Variants in CNTN3 observed in about 807,000 individuals in gnomAD.
The protein encoded by CNTN3 is contactin 3.
In CNTN3, 60 loss-of-function variants were observed where a neutral mutation model predicts 119.1. The observed-to-expected ratio is 0.50, with a 90% CI of 0.41 to 0.62. CNTN3 has a LOEUF of 0.62. Ranked by LOEUF, CNTN3 falls within the 20% of genes least tolerant of loss-of-function variation. The pLI is 0.00. For missense variants in CNTN3, 1,101 were observed against 1,242.4 expected, an observed-to-expected ratio of 0.89 and a Z score of 1.71; for synonymous variants, 450 against 438.7, an observed-to-expected ratio of 1.03 and a Z score of -0.32.
chr3:74,421,353 A>G (rs1354646517), intron 5 of CNTN3, among the ~76,000 whole-genome samples: 2 of 151,778 alleles, frequency 1.3e-5, no homozygotes, highest in Non-Finnish European at 2.9e-5. Flanking sequence ...TATTTTGGGT[A>G]GAGGTGGGGT....
At chr3:74,573,332 G>A (rs1445248540) in intron 1 of CNTN3, among the ~76,000 whole-genome samples, 1 of 151,504 alleles carries the variant, frequency 6.6e-6, no homozygotes, top group Non-Finnish European at 1.5e-5. Flanking sequence ...CCCATCCCAT[G>A]CCAATCTCAA....
intron 4 of CNTN3, among the ~76,000 whole-genome samples, chr3:74,457,447 C>T (rs1208337330): frequency 3.9e-5 from 6 of 151,936 alleles, no homozygotes; most frequent in East Asian, 3.9e-4. Context: ...TTAATAATCT[C>T]ATCTGTAGAA....
intron 1 of CNTN3, among the ~76,000 whole-genome samples, chr3:74,551,521 C>T (rs1033641894): frequency 6.6e-6 from 1 of 151,998 alleles, no homozygotes; most frequent in Admixed American, 6.6e-5. Context: ...GGTTCACTCT[C>T]GGTGTCCTAC....
chr3:74,485,320 GTTAAC>G (rs1702832454), intron 4 of CNTN3, among the ~76,000 whole-genome samples: 1 of 151,992 alleles, frequency 6.6e-6, no homozygotes. Flanking sequence ...AAGTACTTTA[GTTAAC>G]TTAAGGGTAA....
At chr3:74,384,309 T>A (rs1704694134) in intron 5 of CNTN3, among the ~76,000 whole-genome samples, 1 of 152,226 alleles carries the variant, frequency 6.6e-6, no homozygotes, top group Non-Finnish European at 1.5e-5. Context: ...AAAGCAATTC[T>A]AATAAAGGAA....
At chr3:74,481,302 A>AT (rs11330434) in intron 4 of CNTN3, among the ~76,000 whole-genome samples, 20 of 151,686 alleles carry the variant, frequency 1.3e-4, no homozygotes, top group African/African-American at 4.6e-4. Flanking sequence ...GAGAATATCC[A>AT]TTTTTTTAAG....
chr3:74,486,455 C>T lies in CNTN3; in HGVS notation c.358+1G>A. The T allele has an allele frequency of 4.4e-6, 7 of 1,596,246 alleles. No homozygotes were observed. The highest frequency in any genetic ancestry group is 6.0e-6 in the Non-Finnish European group (7 of 1,175,692). On this transcript the variant is annotated splice_donor_variant, in intron 4 of 22. Transcript: ENST00000263665. LOFTEE classifies it high-confidence loss of function. ...TGCTAGACATGTGAACATAAACTTA[C>T]AGGCAAACTGAAGTTTGGCTTCTCT...
intron 5 of CNTN3, among the ~76,000 whole-genome samples, chr3:74,400,479 G>C (rs1268701218): frequency 2.6e-5 from 4 of 152,030 alleles, no homozygotes; most frequent in Admixed American, 2.0e-4. Flanking sequence ...TCCTTTGTAG[G>C]GCTCCAGTGT....
intron 1 of CNTN3, among the ~76,000 whole-genome samples, chr3:74,544,253 A>G (rs916982407): frequency 1.3e-5 from 2 of 152,210 alleles, no homozygotes; most frequent in Non-Finnish European, 2.9e-5. Context: ...CTTATGATAT[A>G]ACAATGTAAC....
At chr3:74,598,214 C>T (rs1057329568) in intron 1 of CNTN3, among the ~76,000 whole-genome samples, 16 of 152,112 alleles carry the variant, frequency 1.1e-4, no homozygotes, top group East Asian at 2.0e-4. Context: ...TTCCACCTTC[C>T]CTCTCTTGGA....
At chr3:74,266,731 C>CT in intron 21 of CNTN3, 82 bp from the exon 22 acceptor site, 1 of 1,273,312 alleles carries the variant, frequency 7.9e-7, no homozygotes, top group Non-Finnish European at 1.1e-6. Context: ...CTGAAATTAA[C>CT]TAATTTTGTC....
At chr3:74,516,387 G>A (rs1308544839) in intron 2 of CNTN3, among the ~76,000 whole-genome samples, 6 of 150,232 alleles carry the variant, frequency 4.0e-5, no homozygotes, top group African/African-American at 1.5e-4. Context: ...CAATGAGGAT[G>A]AAGACCTTTA....
At chr3:74,471,379 C>T (rs1195465523) in intron 4 of CNTN3, among the ~76,000 whole-genome samples, 1 of 152,112 alleles carries the variant, frequency 6.6e-6, no homozygotes, top group Non-Finnish European at 1.5e-5. Flanking sequence ...TCCCCACATG[C>T]CATCCATTAC....
intron 5 of CNTN3, among the ~76,000 whole-genome samples, chr3:74,420,632 AT>A (rs1412826483): frequency 1.3e-5 from 2 of 152,188 alleles, no homozygotes; most frequent in Non-Finnish European, 2.9e-5. Flanking sequence ...GCTGTCTCCA[AT>A]TTTGAAATGT....
chr3:74,454,745 G>A (rs906083530), intron 4 of CNTN3, among the ~76,000 whole-genome samples: 1 of 151,886 alleles, frequency 6.6e-6, no homozygotes, highest in Non-Finnish European at 1.5e-5. Flanking sequence ...TGTCTGTAAA[G>A]GATTTTATTT....
chr3:74,549,183 C>T (rs1575822354), intron 1 of CNTN3, among the ~76,000 whole-genome samples: 1 of 151,988 alleles, frequency 6.6e-6, no homozygotes, highest in Non-Finnish European at 1.5e-5. Flanking sequence ...AGTGTTGTCT[C>T]GTAATAGAGT....
chr3:74,281,778 GA>G (rs1702017064), intron 20 of CNTN3, among the ~76,000 whole-genome samples: 1 of 152,154 alleles, frequency 6.6e-6, no homozygotes, highest in Non-Finnish European at 1.5e-5. Context: ...GGAATTTATG[GA>G]AATGGGGACT....
chr3:74,561,010 A>C (rs1353172148), intron 1 of CNTN3, among the ~76,000 whole-genome samples: 8 of 115,048 alleles, frequency 7.0e-5, no homozygotes, highest in Non-Finnish European at 1.3e-4. Context: ...GGAACATCAT[A>C]CACCGGGACC....
intron 2 of CNTN3, among the ~76,000 whole-genome samples, chr3:74,516,783 G>T (rs1703457665): frequency 6.9e-6 from 1 of 144,008 alleles, no homozygotes; most frequent in Non-Finnish European, 1.5e-5. Context: ...AAGTAAATGA[G>T]CAACTTGGTA....
Sources: gnomAD v4.1 joint callset for allele counts (sites outside exome capture counted in the v4.1 genomes callset) on GRCh38, gnomAD v4.1.1 for gene constraint, MANE v1.5 for transcripts, NCBI Gene and HGNC (gene_info 2026-07-23, HGNC 2026-07-21) for gene names.